Variants in EPB41L4A observed in about 807,000 individuals in gnomAD.
EPB41L4A encodes the protein band 4.1-like protein 4A.
In EPB41L4A, 100 loss-of-function variants were observed where a neutral mutation model predicts 108.6. The observed-to-expected ratio is 0.92, with a 90% CI of 0.78 to 1.09. The LOEUF (loss-of-function observed/expected upper bound fraction) is 1.09, where lower values mean the gene tolerates loss of function less well. EPB41L4A is among the 50% of genes least tolerant of loss of function. The pLI is 0.00. For synonymous variants in EPB41L4A, 319 were observed against 289.0 expected (o/e 1.10, Z -1.05); for missense variants, 1,030 against 842.7 (o/e 1.22, Z -2.75).
intron 13 of EPB41L4A, among the ~76,000 whole-genome samples, chr5:112,144,942 C>T (rs963798199): frequency 6.6e-6 from 1 of 152,208 alleles, no homozygotes; most frequent in African/African-American, 2.4e-5. Context: ...TGCCATGCCA[C>T]ACTTTTTAAT....
At chr5:112,315,447 G>A (rs1258431889) in intron 1 of EPB41L4A, among the ~76,000 whole-genome samples, 1 of 152,096 alleles carries the variant, frequency 6.6e-6, no homozygotes, top group Non-Finnish European at 1.5e-5. Flanking sequence ...CAATAACATG[G>A]TGTCTATAAA....
At chr5:112,298,778 G>A (rs1371644797) in intron 2 of EPB41L4A, among the ~76,000 whole-genome samples, 2 of 152,042 alleles carry the variant, frequency 1.3e-5, no homozygotes, top group African/African-American at 4.8e-5. Context: ...TCTGGTCCTG[G>A]ACTTTTTCTT....
chr5:112,332,685 C>T (rs1312553132), intron 1 of EPB41L4A, among the ~76,000 whole-genome samples: 1 of 152,104 alleles, frequency 6.6e-6, no homozygotes, highest in Non-Finnish European at 1.5e-5. Context: ...TTTTAGTCCC[C>T]CCTGCTAATT....
intron 1 of EPB41L4A, among the ~76,000 whole-genome samples, chr5:112,413,297 C>G (rs1012866561): frequency 1.3e-5 from 2 of 152,222 alleles, no homozygotes; most frequent in Non-Finnish European, 1.5e-5. Context: ...ACTGCACCGT[C>G]TCATTTTCTA....
intron 14 of EPB41L4A, 30 bp downstream of exon 14, chr5:112,205,391 C>T (rs1465261758): frequency 6.4e-7 from 1 of 1,571,388 alleles, no homozygotes; most frequent in Non-Finnish European, 8.8e-7. Context: ...TTTCTACTGT[C>T]TCCTTTATAA....
chr5:112,253,408 C>A (rs1750834667), intron 9 of EPB41L4A, among the ~76,000 whole-genome samples: 2 of 151,946 alleles, frequency 1.3e-5, no homozygotes, highest in African/African-American at 4.8e-5. Flanking sequence ...TTTAAAATGT[C>A]AATTTTATAA....
At chr5:112,312,877 A>G (rs1755138004) in intron 1 of EPB41L4A, among the ~76,000 whole-genome samples, 1 of 152,246 alleles carries the variant, frequency 6.6e-6, no homozygotes, top group Non-Finnish European at 1.5e-5. Context: ...CAGGTCCAGA[A>G]GAAATCATCT....
intron 12 of EPB41L4A, among the ~76,000 whole-genome samples, chr5:112,231,387 G>C (rs1442997123): frequency 1.3e-5 from 2 of 152,142 alleles, no homozygotes; most frequent in Non-Finnish European, 1.5e-5. Flanking sequence ...GAATATAAAA[G>C]TTTTTTTCTT....
chr5:112,395,345 A>C (rs1406125908), intron 1 of EPB41L4A, among the ~76,000 whole-genome samples: 1 of 152,250 alleles, frequency 6.6e-6, no homozygotes, highest in East Asian at 1.9e-4. Flanking sequence ...CAATCTACTC[A>C]TCTGACAAAG....
At chr5:112,321,563 T>C (rs999209414) in intron 1 of EPB41L4A, among the ~76,000 whole-genome samples, 1 of 152,222 alleles carries the variant, frequency 6.6e-6, no homozygotes, top group Non-Finnish European at 1.5e-5. Context: ...CTTATTACCA[T>C]GGCAGTTGCT....
chr5:112,167,520 C>A (rs1251083900), intron 22 of EPB41L4A, among the ~76,000 whole-genome samples: 1 of 152,054 alleles, frequency 6.6e-6, no homozygotes, highest in Non-Finnish European at 1.5e-5. Flanking sequence ...CTGAGCCCCT[C>A]CCCAGGAACT....
At chr5:112,210,142 G>A in intron 12 of EPB41L4A, 160 bp from the exon 13 acceptor site, 1 of 521,484 alleles carries the variant, frequency 1.9e-6, no homozygotes, top group Admixed American at 3.8e-5. Flanking sequence ...CCAATAAATT[G>A]GAGGTACTAT....
chr5:112,268,227 C>T (rs1042900594), intron 4 of EPB41L4A, among the ~76,000 whole-genome samples: 5 of 152,102 alleles, frequency 3.3e-5, no homozygotes, highest in African/African-American at 4.8e-5. Context: ...ATTAAAAATA[C>T]AAAAGTTAGG....
chr5:112,296,717 T>C (rs1754009192), intron 2 of EPB41L4A, among the ~76,000 whole-genome samples: 1 of 152,168 alleles, frequency 6.6e-6, no homozygotes, highest in African/African-American at 2.4e-5. Context: ...CCAAGCAGTA[T>C]ACACTGAAGC....
intron 1 of EPB41L4A, among the ~76,000 whole-genome samples, chr5:112,313,387 T>A (rs546337197): frequency 2.6e-5 from 4 of 152,032 alleles, no homozygotes; most frequent in African/African-American, 9.7e-5. Flanking sequence ...GTCAGGAGAT[T>A]GAGACCATCC....
intron 1 of EPB41L4A, among the ~76,000 whole-genome samples, chr5:112,334,662 A>G (rs1335125812): frequency 6.6e-6 from 1 of 152,112 alleles, no homozygotes; most frequent in African/African-American, 2.4e-5. Flanking sequence ...GGGCCAAACC[A>G]ATGTATACCT....
chr5:112,209,360 T>C (rs1762619650), intron 13 of EPB41L4A, among the ~76,000 whole-genome samples: 1 of 152,234 alleles, frequency 6.6e-6, no homozygotes, highest in African/African-American at 2.4e-5. Flanking sequence ...ATGTAATATA[T>C]TAAGAGAAGG....
chr5:112,215,537 C>A (rs557778938), intron 12 of EPB41L4A, among the ~76,000 whole-genome samples: 1 of 152,096 alleles, frequency 6.6e-6, no homozygotes, highest in South Asian at 2.1e-4. Flanking sequence ...CCAAGGCGGG[C>A]GGATCATGAG....
At chr5:112,306,990 T>C (rs1202855835) in intron 2 of EPB41L4A, among the ~76,000 whole-genome samples, 1 of 152,118 alleles carries the variant, frequency 6.6e-6, no homozygotes, top group African/African-American at 2.4e-5. Flanking sequence ...TACACTGTTA[T>C]TTCTTCTCTA....
Sources: allele counts gnomAD v4.1 joint callset (sites outside exome capture counted in the v4.1 genomes callset), GRCh38; gene constraint gnomAD v4.1.1; transcripts MANE v1.5; gene names NCBI Gene and HGNC (gene_info 2026-07-23, HGNC 2026-07-21).